ADCY4: variants seen among roughly 807,000 people sequenced by gnomAD.
ADCY4 encodes the protein adenylate cyclase type 4.
ADCY4 carries 111 observed loss-of-function variants against 125.5 expected under a neutral mutation model. The observed-to-expected ratio is 0.88, with a 90% CI of 0.76 to 1.04. The LOEUF is 1.04. ADCY4 is among the 50% of genes least tolerant of loss of function. The pLI is 0.00. For synonymous variants in ADCY4, 576 were observed against 586.9 expected, an observed-to-expected ratio of 0.98 and a Z score of 0.27; for missense variants, 1,256 against 1,382.9, an observed-to-expected ratio of 0.91 and a Z score of 1.46.
rs1396198444 is a variant in ADCY4, at chr14:24,319,676, A to C, written c.2733+66T>G. 2 of 1,600,296 alleles carry C rather than the reference A, an allele frequency of 1.2e-6. No individual in the cohort carries two copies. The highest frequency in any genetic ancestry group is 2.7e-5 in the African/African-American group (2 of 74,460). ...TTCATGGCCAGAAAAGCAAAGTGGAAGGAGGTACTGGTGGAAAATTCTAGA... is the reference window on the plus strand; with the variant it reads ...TTCATGGCCAGAAAAGCAAAGTGGACGGAGGTACTGGTGGAAAATTCTAGA... On this transcript the variant is annotated intron_variant, in intron 21 of 24. Transcript: ENST00000418030. The surrounding 1 kb of genome is among the most constrained non-coding windows in gnomAD (Gnocchi z 4.5).
At chr14:24,326,018 C>T in intron 12 of ADCY4, 61 bp downstream of exon 12, 2 of 1,487,134 alleles carry the variant, frequency 1.3e-6, no homozygotes, top group Non-Finnish European at 1.8e-6. Flanking sequence ...GGAGCACCAT[C>T]CCTTCTCCAC....
chr14:24,324,376 G>A lies in ADCY4; in HGVS notation c.1839C>T (p.Ala613=). The A allele has an allele frequency of 6.2e-7, 1 of 1,614,130 alleles. No homozygotes were observed. Among genetic ancestry groups the A allele is most frequent in the Non-Finnish European group, 8.5e-7 (1 of 1,179,940 alleles). ...GGAGGAAGGTGATGCTATACGTGAT[G>A]GCCAGAGCTGGGGGCCTGAAGGGAG... The part of the protein sequence containing the change: ...MLVTNRPPAL[A]ITYSITFLLF... The change falls in exon 15 of 25, where the codon GCC becomes GCT. Residue 613 remains alanine, a synonymous_variant. Coordinates refer to ENST00000418030, the MANE Select transcript of ADCY4 (RefSeq NM_001198568.2).
rs1458840445 is a variant in ADCY4, at chr14:24,331,865, C to T, written c.592G>A (p.Ala198Thr). 1 of 1,602,808 alleles carries T rather than the reference C, an allele frequency of 6.2e-7. No homozygotes were observed. Reference sequence around the variant, plus strand: ...GCCTCCCGGAACGTGGCCCGCAGGGCGCGCTCCATCAGCGCCTTGTGGTAC... The same window carrying T: ...GCCTCCCGGAACGTGGCCCGCAGGGTGCGCTCCATCAGCGCCTTGTGGTAC... Reference protein sequence around the residue: ...GVYHKALMERALRATFREALS... With the variant: ...GVYHKALMERTLRATFREALS... Residue 198 changes from alanine (A) to threonine (T), a missense_variant, in exon 4 of 25, where the codon GCC (alanine) becomes ACC (threonine). Ala to Thr is a moderately conservative substitution (Grantham distance 58). Transcript: ENST00000418030.
chr14:24,332,853 C>T lies in ADCY4; in HGVS notation c.295G>A (p.Ala99Thr). 1 of 1,597,776 alleles carries T rather than the reference C, an allele frequency of 6.3e-7. No homozygotes were observed. The highest frequency in any genetic ancestry group is 8.5e-7 in the Non-Finnish European group (1 of 1,170,862). Residue 99 changes from alanine (A) to threonine (T), a missense_variant, in exon 2 of 25, where the codon GCG becomes ACG. Ala to Thr is a moderately conservative substitution (Grantham distance 58). Transcript: ENST00000418030. ...TRPLSGLVWV[A>T]LLALGHAFLF... ...AAGGCGTGGCCTAGCGCTAGCAGCGCGACCCATACCAAGCCGGACAGGGGA... is the reference window on the plus strand; with the variant it reads ...AAGGCGTGGCCTAGCGCTAGCAGCGTGACCCATACCAAGCCGGACAGGGGA...
rs565384136 is a variant in ADCY4, at chr14:24,329,305, C to T, written c.1351-71G>A. 4 of 1,581,796 alleles carry T rather than the reference C, an allele frequency of 2.5e-6. No individual in the cohort carries two copies. The African/African-American group carries it at 5.4e-5, about 21-fold the overall frequency. On this transcript the variant is annotated intron_variant, in intron 9 of 24. Transcript: ENST00000418030. ...CTTCTCCCTCCACCCCCCACTAGGA[C>T]CCAGGAACTCAATCTCTGGCACAGA...
At position 24,323,176 on chromosome 14, in the gene ADCY4, C is replaced by T. The variant is rs1428018033; in HGVS notation, c.2158-88G>A. The T allele has an allele frequency of 2.7e-6, 4 of 1,492,018 alleles. No homozygotes were observed. The East Asian group carries it at 9.6e-5, about 36-fold the overall frequency. The allele number at this position is 1,492,018 out of a possible 1,614,324, so 92.4% of individuals were successfully genotyped here. A position where few individuals can be genotyped will look rare whatever the true frequency, so the allele number is the denominator to read the frequency against. The stretch of plus-strand genomic sequence containing the variant: ...GGCTCCCTTCCTGTCCCTCCCAGGC[C>T]CAGGTCCTATCTGGGAGACAGGGGG... On this transcript the variant is annotated intron_variant, in intron 17 of 24. Transcript: ENST00000418030.
intron 4 of ADCY4, 61 bp downstream of exon 4, chr14:24,331,727 T>C: frequency 6.8e-7 from 1 of 1,462,368 alleles, no homozygotes. Context: ...GGAGCCCCGT[T>C]ATGTAATCTA....
At chr14:24,333,260 G>A (rs2042076948) in intron 1 of ADCY4, among the ~76,000 whole-genome samples, 1 of 152,052 alleles carries the variant, frequency 6.6e-6, no homozygotes, top group Non-Finnish European at 1.5e-5. Context: ...TTGCTCTGTC[G>A]CCCAGGCTGG....
chr14:24,323,459 A>G lies in ADCY4; in HGVS notation c.2047-5T>C, dbSNP rs796151715. The G allele has an allele frequency of 6.4e-6, 10 of 1,552,126 alleles. No individual in the cohort carries two copies. The African/African-American group carries it at 1.1e-4, about 17-fold the overall frequency. ...TGATGATGTTGGGAAGAAGAACTGCAGAGGAGATGAGGAGTTGAAGAGGCA... is the reference window on the plus strand; with the variant it reads ...TGATGATGTTGGGAAGAAGAACTGCGGAGGAGATGAGGAGTTGAAGAGGCA... On this transcript the variant is annotated splice_region_variant and splice_polypyrimidine_tract_variant and intron_variant, in intron 16 of 24. Coordinates refer to ENST00000418030, the MANE Select transcript of ADCY4 (RefSeq NM_001198568.2).
chr14:24,329,869 C>G lies in ADCY4; in HGVS notation c.1208G>C (p.Gly403Ala), dbSNP rs1466554890. Residue 403 changes from glycine (G) to alanine (A), a missense_variant, in exon 8 of 25, where the codon GGT becomes GCT. By Grantham distance (60) the Gly-to-Ala change is moderately conservative. Coordinates refer to ENST00000418030, the MANE Select transcript of ADCY4 (RefSeq NM_001198568.2). Reference protein sequence around the residue: ...VTLANHMEAGGVPGRVHITGA... With the variant: ...VTLANHMEAGAVPGRVHITGA... Reference sequence around the variant, plus strand: ...GGGCCCTAGGTCTCACCCTGGTACACCGCCTGCCTCCATGTGGTTAGCCAG... The same window carrying G: ...GGGCCCTAGGTCTCACCCTGGTACAGCGCCTGCCTCCATGTGGTTAGCCAG... 5.0e-6 allele frequency: 8 copies of G among 1,613,382 alleles called. No individual in the cohort carries two copies. In the Admixed American group the frequency reaches 5.0e-5, roughly 10 times the overall value.
chr14:24,319,412 C>T lies in ADCY4; in HGVS notation c.2758G>A (p.Gly920Arg). Residue 920 changes from glycine (G) to arginine (R), a missense_variant, in exon 22 of 25, where the codon GGG becomes AGG. Transcript: ENST00000418030. The surrounding 1 kb of genome is among the most constrained non-coding windows in gnomAD (Gnocchi z 4.5). ...DELLSKPKFSGVEKIKTIGST... is the reference protein window; with the variant it reads ...DELLSKPKFSRVEKIKTIGST... Reference sequence around the variant, plus strand: ...CCGATGGTCTTGATCTTCTCCACCCCACTGAACTTGGGCTTGGAGAGCAGC... The same window carrying T: ...CCGATGGTCTTGATCTTCTCCACCCTACTGAACTTGGGCTTGGAGAGCAGC... 2 of 1,614,220 alleles carry T rather than the reference C, an allele frequency of 1.2e-6. No homozygotes were observed. The highest frequency in any genetic ancestry group is 8.5e-7 in the Non-Finnish European group (1 of 1,180,042).
chr14:24,318,980 A>ATGGGGT, intron 23 of ADCY4, 118 bp downstream of exon 23: 1 of 1,412,106 alleles, frequency 7.1e-7, no homozygotes, highest in Non-Finnish European at 9.8e-7. Flanking sequence ...CATCCCAGGG[A>ATGGGGT]GTGAGTCAGG....
chr14:24,334,619 T>G lies in ADCY4; in HGVS notation c.34A>C (p.Ser12Arg). ...ARLFSPRPPP[S>R]EDLFYETYYS... ...TAGGTCTCGTAGAAGAGGTCTTCGC[T>G]GGGGGGCGGCCGGGGGCTGAAGAGG... is the stretch of plus-strand genomic sequence containing the variant. The change falls in exon 1 of 25, where the codon AGC (serine) becomes CGC (arginine). Residue 12 changes from serine to arginine, a missense_variant. By Grantham distance (110) the Ser-to-Arg change is moderately radical (BLOSUM62 -1). Transcript: ENST00000418030. 1 of 1,558,092 alleles carries G rather than the reference T, an allele frequency of 6.4e-7. No individual in the cohort carries two copies. Among genetic ancestry groups the G allele is most frequent in the South Asian group, 1.2e-5 (1 of 85,116 alleles).
chr14:24,323,942 A>G, intron 16 of ADCY4, 120 bp downstream of exon 16: 1 of 1,388,956 alleles, frequency 7.2e-7, no homozygotes, highest in Non-Finnish European at 9.7e-7. Flanking sequence ...TATTTGTACA[A>G]CATTTCCAGC....
At chr14:24,321,993 A>G (rs1432144578) in intron 20 of ADCY4, 73 bp downstream of exon 20, 1 of 1,507,530 alleles carries the variant, frequency 6.6e-7, no homozygotes, top group Non-Finnish European at 8.9e-7. Flanking sequence ...AAAACGGGCC[A>G]TAGGTCAAGG....
intron 10 of ADCY4, among the ~76,000 whole-genome samples, chr14:24,327,497 C>A (rs1201457529): frequency 6.6e-6 from 1 of 152,218 alleles, no homozygotes; most frequent in African/African-American, 2.4e-5. Context: ...ACCTCAGCTT[C>A]TTCCTTCCTC....
Position 24,329,232 on chromosome 14 carries a change from T to G in ADCY4, c.1353A>C (p.Ala451=). ...CAGTGCCCTTCTCATCCTCCTCCTC[T>G]GCCTGGGGCACATAAGGGCTGACAG... ...EPTYLVIDPR[A]EEEDEKGTAG... is the part of the protein sequence containing the mutation. The change falls in exon 10 of 25, where the codon GCA becomes GCC. Residue 451 remains alanine, a splice_region_variant and synonymous_variant. Transcript: ENST00000418030. 1 of 1,613,558 alleles carries G rather than the reference T, an allele frequency of 6.2e-7. No individual in the cohort carries two copies. The highest frequency in any genetic ancestry group is 8.5e-7 in the Non-Finnish European group (1 of 1,179,676).
At chr14:24,323,211 C>T (rs2041884039) in intron 17 of ADCY4, 123 bp from the exon 18 acceptor site, 10 of 1,373,452 alleles carry the variant, frequency 7.3e-6, no homozygotes, top group Non-Finnish European at 1.0e-5. Context: ...GCATCATACA[C>T]ACTGATACAC....
chr14:24,334,717 G>T lies in ADCY4; in HGVS notation c.-65C>A. 1 of 1,342,164 alleles carries T rather than the reference G, an allele frequency of 7.5e-7. No individual in the cohort carries two copies. Among genetic ancestry groups the T allele is most frequent in the Non-Finnish European group, 9.9e-7 (1 of 1,010,916 alleles). 83.1% of individuals were successfully genotyped at this position (1,342,164 alleles called of 1,614,324 possible). ...GGCGCCGGGTTACCTCCTTCGGCCC[G>T]GCGGGCCCCACCTGAGCTTTTCTCA... is the stretch of plus-strand genomic sequence containing the variant. On this transcript the variant is annotated 5_prime_UTR_variant, in exon 1 of 25. Coordinates refer to ENST00000418030, the MANE Select transcript of ADCY4 (RefSeq NM_001198568.2).
Sources: allele counts gnomAD v4.1 joint callset (sites outside exome capture counted in the v4.1 genomes callset), GRCh38; gene constraint gnomAD v4.1.1; non-coding constraint Gnocchi (gnomAD v3.1); transcripts MANE v1.5; gene names NCBI Gene and HGNC (gene_info 2026-07-23, HGNC 2026-07-21).